The following DYRK1A variants were observed in gnomAD, a reference collection of about 807,000 sequenced individuals.
DYRK1A encodes the protein dual specificity tyrosine-phosphorylation-regulated kinase 1A.
A neutral mutation model predicts 79.7 loss-of-function variants in DYRK1A; 9 were observed. The observed-to-expected ratio is 0.11, with a 90% CI of 0.07 to 0.20. The LOEUF is 0.20. Ranked by LOEUF, DYRK1A falls within the 10% of genes least tolerant of loss-of-function variation. The pLI is 1.00. For synonymous variants in DYRK1A, 349 were observed against 329.7 expected (o/e 1.06, Z -0.63); for missense variants, 622 against 956.0 (o/e 0.65, Z 4.61).
intron 6 of DYRK1A, chr21:37,488,428 G>A: frequency 2.8e-6 from 2 of 702,196 alleles, no homozygotes; most frequent in African/African-American, 1.9e-5. Context: ...ATTCTGATGA[G>A]TTTTATTGTC....
chr21:37,370,653 C>T (rs1266459992), intron 1 of DYRK1A, among the ~76,000 whole-genome samples: 1 of 152,152 alleles, frequency 6.6e-6, no homozygotes, highest in African/African-American at 2.4e-5. Context: ...CAAAAACTTC[C>T]AGAAAGTCTT....
At chr21:37,473,966 C>T (rs1409067033) in intron 3 of DYRK1A, among the ~76,000 whole-genome samples, 1 of 152,176 alleles carries the variant, frequency 6.6e-6, no homozygotes, top group Admixed American at 6.5e-5. Context: ...ATAATAATAA[C>T]ACGATGATCC....
chr21:37,488,708 G>A (rs2052964528), intron 6 of DYRK1A: 1 of 985,370 alleles, frequency 1.0e-6, no homozygotes, highest in Non-Finnish European at 1.2e-6. Context: ...GTGAAACTAA[G>A]TAGATCTTTC....
At chr21:37,475,494 C>G (rs1453628417) in intron 3 of DYRK1A, among the ~76,000 whole-genome samples, 3 of 152,170 alleles carry the variant, frequency 2.0e-5, no homozygotes, top group African/African-American at 7.2e-5. Context: ...CTAATGGCAT[C>G]ACAATGTTCC....
At chr21:37,478,081 C>A (rs1329792111) in intron 3 of DYRK1A, 127 bp from the exon 4 acceptor site, 1 of 1,256,048 alleles carries the variant, frequency 8.0e-7, no homozygotes, top group Non-Finnish European at 1.1e-6. Context: ...GTATAATCAT[C>A]TAATGTGTAG....
At chr21:37,503,635 C>G (rs146491750) in intron 9 of DYRK1A, 91 of 152,342 alleles carry the variant, frequency 6.0e-4, no homozygotes, top group African/African-American at 1.9e-3. Context: ...GTTGCCTTGG[C>G]TGGTCTTGAA....
At chr21:37,385,057 A>G (rs1466819805) in intron 1 of DYRK1A, among the ~76,000 whole-genome samples, 1 of 151,962 alleles carries the variant, frequency 6.6e-6, no homozygotes, top group African/African-American at 2.4e-5. Context: ...CTTAAGAACA[A>G]TTGTGACAAG....
chr21:37,375,590 A>G (rs946714215), intron 1 of DYRK1A, among the ~76,000 whole-genome samples: 1 of 145,252 alleles, frequency 6.9e-6, no homozygotes, highest in Non-Finnish European at 1.5e-5. Flanking sequence ...CAGTGGCACA[A>G]TTTCGGCTCA....
intron 2 of DYRK1A, among the ~76,000 whole-genome samples, chr21:37,441,353 A>C (rs755819248): frequency 2.0e-5 from 3 of 151,978 alleles, no homozygotes; most frequent in Non-Finnish European, 4.4e-5. Flanking sequence ...TCTGCTTCTC[A>C]TTTGAGGTAT....
At chr21:37,415,275 G>T (rs62222274) in intron 1 of DYRK1A, among the ~76,000 whole-genome samples, 1 of 152,056 alleles carries the variant, frequency 6.6e-6, no homozygotes, top group Admixed American at 6.6e-5. Flanking sequence ...GCATGAGAAA[G>T]CACATGCTTC....
rs184099506 is a variant in DYRK1A, at chr21:37,366,805, G to C, written c.-900G>C. ...TCGGTCCGTCGCCATTTTGTTGGTT[G>C]GTTTTTTTTTAAACCCTTTCGCTTC... On this transcript the variant is annotated 5_prime_UTR_variant, in exon 1 of 12. Transcript: ENST00000647188. 3 of 152,034 alleles carry C rather than the reference G, an allele frequency of 2.0e-5. No homozygotes were observed. The highest frequency in any genetic ancestry group is 7.2e-5 in the African/African-American group (3 of 41,388). The allele number at this position is 152,034 out of a possible 1,614,324, so 9.4% of individuals were successfully genotyped here.
chr21:37,416,116 T>C (rs976038866), intron 1 of DYRK1A, among the ~76,000 whole-genome samples: 1 of 152,148 alleles, frequency 6.6e-6, no homozygotes, highest in African/African-American at 2.4e-5. Context: ...TTCTGACCCT[T>C]GCTTTCCCTG....
rs142927794 is a variant in DYRK1A at position 37,375,962 on chromosome 21, C to T, written c.-77+8334C>T. On this transcript the variant is annotated intron_variant, in intron 1 of 11. Transcript: ENST00000647188. ...GCCTTTTGGCCCGCCAAGCCCCCCT[C>T]TTCCTATACCAATATAAACCTGAAA... Among the ~76,000 whole-genome samples, 45 of 152,202 alleles carry T rather than the reference C, an allele frequency of 3.0e-4. 1 individual carries two copies. The East Asian group carries it at 8.7e-3, about 30-fold the overall frequency.
intron 8 of DYRK1A, among the ~76,000 whole-genome samples, chr21:37,495,710 G>T (rs907819439): frequency 6.6e-6 from 1 of 152,076 alleles, no homozygotes; most frequent in Non-Finnish European, 1.5e-5. Context: ...GATCACTTGA[G>T]CCTGGGAGGA....
At chr21:37,471,044 TA>T (rs2052204778) in intron 2 of DYRK1A, among the ~76,000 whole-genome samples, 1 of 152,192 alleles carries the variant, frequency 6.6e-6, no homozygotes, top group South Asian at 2.1e-4. Context: ...AAAGCAATGC[TA>T]GGGGCAGTTG....
At position 37,370,830 on chromosome 21, in the gene DYRK1A, C is replaced by T. The variant is rs1369212769; in HGVS notation, c.-77+3202C>T. 3.3e-5 allele frequency among the ~76,000 whole-genome samples: 5 copies of T among 152,182 alleles called. No individual in the cohort carries two copies. In the South Asian group the frequency reaches 8.3e-4, roughly 25 times the overall value. ...TTTCGATTTAGAAGTAAAGATATTA[C>T]GTGAAACTATTAGTAATGTTTCCTG... On this transcript the variant is annotated intron_variant, in intron 1 of 11. Transcript: ENST00000647188.
intron 1 of DYRK1A, among the ~76,000 whole-genome samples, chr21:37,404,342 G>A (rs1267069746): frequency 6.6e-6 from 1 of 152,092 alleles, no homozygotes; most frequent in Non-Finnish European, 1.5e-5. Flanking sequence ...TCTTGTCTGT[G>A]GCTGGGTAGG....
intron 1 of DYRK1A, among the ~76,000 whole-genome samples, chr21:37,370,960 G>C (rs1372174359): frequency 6.6e-6 from 1 of 152,142 alleles, no homozygotes; most frequent in Non-Finnish European, 1.5e-5. Context: ...CTTTTTACCA[G>C]ATGTTATCTT....
intron 1 of DYRK1A, among the ~76,000 whole-genome samples, chr21:37,385,562 C>T (rs905305993): frequency 1.3e-5 from 2 of 152,146 alleles, no homozygotes; most frequent in African/African-American, 2.4e-5. Context: ...CATGCCATTA[C>T]CTTTGTTGTA....
Sources: gnomAD v4.1 joint callset for allele counts (sites outside exome capture counted in the v4.1 genomes callset) on GRCh38, gnomAD v4.1.1 for gene constraint, MANE v1.5 for transcripts, NCBI Gene and HGNC (gene_info 2026-07-23, HGNC 2026-07-21) for gene names.